Variants in KANK4 observed in about 807,000 individuals in gnomAD.
KANK4 encodes the protein KN motif and ankyrin repeat domains 4.
KANK4 carries 50 observed loss-of-function variants against 80.8 expected under a neutral mutation model. The observed-to-expected ratio is 0.62, with a 90% CI of 0.49 to 0.78. The LOEUF is 0.78. Ranked by LOEUF, KANK4 falls within the 30% of genes least tolerant of loss-of-function variation. The probability of loss-of-function intolerance (pLI) is 0.00; values close to 1 mark genes in which losing one functional copy is unlikely to be tolerated. For missense variants in KANK4, 1,196 were observed against 1,240.1 expected, an observed-to-expected ratio of 0.96 and a Z score of 0.53; for synonymous variants, 465 against 506.9, an observed-to-expected ratio of 0.92 and a Z score of 1.11.
intron 4 of KANK4, among the ~76,000 whole-genome samples, chr1:62,270,052 G>C (rs980562665): frequency 6.6e-6 from 1 of 152,224 alleles, no homozygotes; most frequent in African/African-American, 2.4e-5. Context: ...GGAATGTCCA[G>C]GAGAGGAGGC....
At chr1:62,296,769 G>A (rs1171849355) in intron 1 of KANK4, among the ~76,000 whole-genome samples, 1 of 151,870 alleles carries the variant, frequency 6.6e-6, no homozygotes, top group Non-Finnish European at 1.5e-5. Flanking sequence ...TGAACTACTG[G>A]GCTCAAGTGA....
rs537490313 is a variant in KANK4, at chr1:62,263,162, G to A, written c.2469C>T (p.Asn823=). The part of the protein sequence containing the change: ...LKLLVNLADH[N]GNTALHYSVS... ...CGCTGTAGTGAAGGGCCGTGTTCCC[G>A]TTGTGATCGGCCAAGTTGACAAGCA... Residue 823 remains asparagine, a synonymous_variant, in exon 7 of 10, where the codon AAC becomes AAT. Coordinates refer to ENST00000371153, the MANE Select transcript of KANK4 (RefSeq NM_181712.5). The A allele has an allele frequency of 1.7e-5, 28 of 1,613,980 alleles. No homozygotes were observed. The highest frequency in any genetic ancestry group is 3.3e-5 in the South Asian group (3 of 91,042).
chr1:62,253,710 C>A (rs1269515248), intron 7 of KANK4, among the ~76,000 whole-genome samples: 1 of 152,196 alleles, frequency 6.6e-6, no homozygotes, highest in African/African-American at 2.4e-5. Flanking sequence ...CCGCGCCCAG[C>A]CAGCTGGTTA....
At chr1:62,272,313 TGTACACACACACATGCAC>T (rs1289905541) in intron 3 of KANK4, 2 of 152,408 alleles carry the variant, frequency 1.3e-5, no homozygotes, top group Non-Finnish European at 2.9e-5. Flanking sequence ...CTCCTGCCCC[TGTACACACACACATGCAC>T]GTACACACAC....
At chr1:62,282,356 T>C (rs1367061745) in intron 1 of KANK4, among the ~76,000 whole-genome samples, 2 of 152,214 alleles carry the variant, frequency 1.3e-5, no homozygotes, top group Non-Finnish European at 2.9e-5. Flanking sequence ...TCCTAGCTCC[T>C]GCCCCCATTA....
chr1:62,311,533 C>T (rs1211067273), intron 1 of KANK4, among the ~76,000 whole-genome samples: 1 of 152,184 alleles, frequency 6.6e-6, no homozygotes, highest in Non-Finnish European at 1.5e-5. Flanking sequence ...TTTGCATACC[C>T]TCCATTTCAG....
intron 8 of KANK4, among the ~76,000 whole-genome samples, chr1:62,249,886 G>A (rs1162494614): frequency 6.6e-6 from 1 of 151,234 alleles, no homozygotes; most frequent in East Asian, 2.0e-4. Flanking sequence ...GGGGTTTTGC[G>A]ATGTTGCCCA....
chr1:62,238,822 G>T (rs962450675), intron 9 of KANK4, among the ~76,000 whole-genome samples: 2 of 152,034 alleles, frequency 1.3e-5, no homozygotes, highest in Non-Finnish European at 2.9e-5. Flanking sequence ...TAGAGACGGG[G>T]TGTCACCATG....
chr1:62,260,204 T>G (rs1308857074), intron 7 of KANK4, among the ~76,000 whole-genome samples: 1 of 152,200 alleles, frequency 6.6e-6, no homozygotes, highest in African/African-American at 2.4e-5. Context: ...CTGCCTCCGC[T>G]GTGGAGTCCA....
rs538684087 is a variant in KANK4, at chr1:62,236,185, T to C, written c.*2092A>G. 2.0e-4 allele frequency among the ~76,000 whole-genome samples: 31 copies of C among 152,250 alleles called. No homozygotes were observed. The highest frequency in any genetic ancestry group is 7.2e-4 in the African/African-American group (30 of 41,544). ...AAGACTGAGAGGCAGCATTTTAATA[T>C]AACAAACAATAAGGATAGGCCAGAG... On this transcript the variant is annotated 3_prime_UTR_variant, in exon 10 of 10. Transcript: ENST00000371153.
At chr1:62,296,178 G>T (rs907935186) in intron 1 of KANK4, among the ~76,000 whole-genome samples, 6 of 152,344 alleles carry the variant, frequency 3.9e-5, no homozygotes, top group African/African-American at 1.2e-4. Context: ...TTAGCACGAA[G>T]CAAAAGTCTT....
At chr1:62,310,551 G>T (rs1442292608) in intron 1 of KANK4, among the ~76,000 whole-genome samples, 2 of 152,192 alleles carry the variant, frequency 1.3e-5, no homozygotes, top group Admixed American at 1.3e-4. Context: ...TTTTATCAAG[G>T]TTCTACTGAG....
chr1:62,302,346 G>C (rs1644418938), intron 1 of KANK4, among the ~76,000 whole-genome samples: 1 of 151,948 alleles, frequency 6.6e-6, no homozygotes, highest in South Asian at 2.1e-4. Flanking sequence ...CATAGGAGTC[G>C]ACATTTACTC....
chr1:62,294,949 G>T (rs1644348621), intron 1 of KANK4, among the ~76,000 whole-genome samples: 1 of 152,234 alleles, frequency 6.6e-6, no homozygotes, highest in Non-Finnish European at 1.5e-5. Flanking sequence ...ACAAAGGAAG[G>T]TTATATATTG....
rs765990772 is a variant in KANK4, at chr1:62,253,227, G to T, written c.2540-18C>A. ...GCAGACGCCTGCAAGAGAAGCAATG[G>T]GTGCTGCAAAGGCTCCTGAGGGGCC... On this transcript the variant is annotated intron_variant, in intron 7 of 9. Coordinates refer to ENST00000371153, the MANE Select transcript of KANK4 (RefSeq NM_181712.5). The T allele has an allele frequency of 5.0e-6, 8 of 1,593,594 alleles. No individual in the cohort carries two copies. In the East Asian group the frequency reaches 1.6e-4, roughly 31 times the overall value.
chr1:62,262,812 G>C (rs1052319088), intron 7 of KANK4, among the ~76,000 whole-genome samples: 5 of 152,062 alleles, frequency 3.3e-5, no homozygotes, highest in African/African-American at 1.2e-4. Context: ...CTAAGCCACA[G>C]GTACACGAAG....
chr1:62,293,188 A>T (rs1672721727), intron 1 of KANK4, among the ~76,000 whole-genome samples: 1 of 151,810 alleles, frequency 6.6e-6, no homozygotes, highest in African/African-American at 2.4e-5. Flanking sequence ...CCCAAGTTCA[A>T]GTGATTCTCC....
intron 1 of KANK4, among the ~76,000 whole-genome samples, chr1:62,297,088 G>A (rs61166321): frequency 0.16 from 24,179 of 151,634 alleles, 2,746 homozygotes; most frequent in East Asian, 0.43. Flanking sequence ...GTGGTGATGC[G>A]CACCGATAGT....
Position 62,273,839 on chromosome 1 carries a change from A to C in KANK4, c.1265T>G (p.Leu422Arg), listed in dbSNP as rs1216469688. The C allele has an allele frequency of 6.2e-7, 1 of 1,614,158 alleles. No individual in the cohort carries two copies. Among genetic ancestry groups the C allele is most frequent in the East Asian group, 2.2e-5 (1 of 44,882 alleles). ...VMVNTDPVHG[L>R]LTRESCDKGI... The stretch of plus-strand genomic sequence containing the variant: ...CTTATCACACGACTCCCTGGTCAAG[A>C]GTCCATGGACAGGGTCAGTGTTCAC... The change falls in exon 3 of 10, where the codon CTC becomes CGC. Residue 422 changes from leucine to arginine, a missense_variant. This residue lies in a region of KANK4 where 1,154 missense variants were observed against 1,179.6 expected (regional missense o/e 0.98). Coordinates refer to ENST00000371153, the MANE Select transcript of KANK4 (RefSeq NM_181712.5).
Sources: gnomAD v4.1 joint callset for allele counts (sites outside exome capture counted in the v4.1 genomes callset) on GRCh38, gnomAD v4.1.1 for gene constraint, gnomAD v4.1.1 regional missense constraint, MANE v1.5 for transcripts, NCBI Gene and HGNC (gene_info 2026-07-23, HGNC 2026-07-21) for gene names.